Variants in CCDC146 observed in about 807,000 individuals in gnomAD.
CCDC146 encodes coiled-coil domain-containing protein 146.
A neutral mutation model predicts 119.3 loss-of-function variants in CCDC146; 92 were observed. That is an observed-to-expected ratio of 0.77 (90% CI 0.65 to 0.92). CCDC146 has a LOEUF of 0.92. CCDC146 is among the 40% of genes least tolerant of loss of function. The pLI is 0.00. For missense variants in CCDC146, 1,000 were observed against 1,103.0 expected (o/e 0.91, Z 1.32); for synonymous variants, 372 against 371.8 (o/e 1.00, Z -0.01).
At chr7:77,139,484 G>A (rs1195668915) in intron 1 of CCDC146, among the ~76,000 whole-genome samples, 1 of 152,194 alleles carries the variant, frequency 6.6e-6, no homozygotes, top group South Asian at 2.1e-4. Flanking sequence ...AATGTACAAC[G>A]CTAAGAGTGA....
At chr7:77,232,650 G>C (rs1792653107) in intron 2 of CCDC146, among the ~76,000 whole-genome samples, 2 of 152,210 alleles carry the variant, frequency 1.3e-5, no homozygotes, top group Non-Finnish European at 2.9e-5. Flanking sequence ...TACTGAGCAG[G>C]AGCTGGGGAT....
chr7:77,267,558 G>T (rs1037347323), intron 9 of CCDC146, among the ~76,000 whole-genome samples: 1 of 151,226 alleles, frequency 6.6e-6, no homozygotes. Context: ...TAAAAGATGA[G>T]GATTCAGCCC....
At chr7:77,282,499 A>T (rs1467158672) in intron 14 of CCDC146, 58 bp from the exon 15 acceptor site, 3 of 1,140,610 alleles carry the variant, frequency 2.6e-6, no homozygotes, top group Non-Finnish European at 3.8e-6. Context: ...AACCACAATG[A>T]CTAGTAAAAC....
intron 2 of CCDC146, chr7:77,198,544 A>C (rs1791919438): frequency 6.5e-6 from 1 of 152,942 alleles, no homozygotes; most frequent in Non-Finnish European, 1.5e-5. Context: ...CTTGAATTCT[A>C]ACTTCAGGTA....
intron 2 of CCDC146, among the ~76,000 whole-genome samples, chr7:77,190,529 C>G (rs1329677405): frequency 1.3e-5 from 2 of 152,154 alleles, no homozygotes; most frequent in African/African-American, 2.4e-5. Context: ...GAGTGTTCCC[C>G]CAGGAAAGAA....
chr7:77,221,854 G>T (rs1007947327), intron 2 of CCDC146, among the ~76,000 whole-genome samples: 4 of 152,186 alleles, frequency 2.6e-5, no homozygotes, highest in African/African-American at 9.6e-5. Flanking sequence ...AAGAGCCAAA[G>T]ATATTCACCC....
intron 1 of CCDC146, among the ~76,000 whole-genome samples, chr7:77,124,389 G>T (rs1790665653): frequency 6.6e-6 from 1 of 152,176 alleles, no homozygotes; most frequent in Admixed American, 6.5e-5. Context: ...AATAAAAGTT[G>T]TATCTTCCAT....
intron 2 of CCDC146, among the ~76,000 whole-genome samples, chr7:77,168,247 T>C (rs1791367622): frequency 6.6e-6 from 1 of 152,094 alleles, no homozygotes; most frequent in Admixed American, 6.5e-5. Context: ...TCTGCTGTTT[T>C]CTATCAGCAA....
Position 77,241,833 on chromosome 7 carries a change from C to T in CCDC146, c.382C>T (p.Leu128Phe). 6.2e-7 allele frequency: 1 copy of T among 1,614,034 alleles called. No individual in the cohort carries two copies. ...GGTCTCCAAAATGAGAGAACAACTT[C>T]TCAAGTATCAAAATGAATATAATGC... ...TEVSKMREQL[L>F]KYQNEYNAVK... The change falls in exon 4 of 19, where the codon CTC (leucine) becomes TTC (phenylalanine). Residue 128 changes from leucine to phenylalanine, a missense_variant. By Grantham distance (22) the Leu-to-Phe change is conservative. Transcript: ENST00000285871.
At chr7:77,229,232 G>A (rs183570897) in intron 2 of CCDC146, among the ~76,000 whole-genome samples, 10 of 152,174 alleles carry the variant, frequency 6.6e-5, no homozygotes, top group Admixed American at 2.0e-4. Context: ...GACCTTTGTC[G>A]GATGCATAGT....
chr7:77,241,106 G>T (rs991187917), intron 3 of CCDC146, among the ~76,000 whole-genome samples: 1 of 119,586 alleles, frequency 8.4e-6, no homozygotes, highest in Non-Finnish European at 1.8e-5. Context: ...CGCCCAGGCG[G>T]GAGTGCAGTG....
chr7:77,175,415 A>T (rs1309974099), intron 2 of CCDC146, among the ~76,000 whole-genome samples: 1 of 149,696 alleles, frequency 6.7e-6, no homozygotes, highest in East Asian at 2.0e-4. Flanking sequence ...CAAACATTGT[A>T]GGGAAACACC....
intron 1 of CCDC146, among the ~76,000 whole-genome samples, chr7:77,153,420 ACTTTT>A (rs1208605479): frequency 7.7e-6 from 1 of 129,764 alleles, no homozygotes; most frequent in Non-Finnish European, 1.6e-5. Flanking sequence ...GGACAGTGGG[ACTTTT>A]CTTTTTTTTT....
intron 9 of CCDC146, among the ~76,000 whole-genome samples, chr7:77,271,513 GATATATATATATATATATATATAT>G (rs56661430): frequency 0.12 from 8,843 of 71,266 alleles, 624 homozygotes; most frequent in South Asian, 0.17. Flanking sequence ...ACTAATAGGA[GATATATATATATATATATATATAT>G]ATATATATAT....
At chr7:77,141,880 T>A (rs1790938231) in intron 1 of CCDC146, among the ~76,000 whole-genome samples, 1 of 152,214 alleles carries the variant, frequency 6.6e-6, no homozygotes, top group Non-Finnish European at 1.5e-5. Flanking sequence ...TTCACTGTGA[T>A]GATAGTTTCT....
At chr7:77,287,188 G>T (rs1249047973) in intron 16 of CCDC146, 1 of 596,900 alleles carries the variant, frequency 1.7e-6, no homozygotes, top group Non-Finnish European at 2.9e-6. Context: ...ATCTTAAATG[G>T]ATTAATTTGT....
chr7:77,266,038 A>G (rs1481924532), intron 9 of CCDC146, among the ~76,000 whole-genome samples: 1 of 152,226 alleles, frequency 6.6e-6, no homozygotes, highest in African/African-American at 2.4e-5. Flanking sequence ...TCTGCATTTA[A>G]ACATGGCTCT....
intron 9 of CCDC146, among the ~76,000 whole-genome samples, chr7:77,267,920 CAA>C (rs145104240): frequency 0.017 from 2,575 of 152,224 alleles, 61 homozygotes; most frequent in African/African-American, 0.051. Context: ...GACCTCTAGC[CAA>C]AGACTAACAG....
At chr7:77,207,698 C>T (rs907082324) in intron 2 of CCDC146, among the ~76,000 whole-genome samples, 2 of 152,096 alleles carry the variant, frequency 1.3e-5, no homozygotes, top group African/African-American at 4.8e-5. Context: ...AACTTTCTTG[C>T]CACTGAACTA....
Sources: gnomAD v4.1 joint callset for allele counts (sites outside exome capture counted in the v4.1 genomes callset) on GRCh38, gnomAD v4.1.1 for gene constraint, MANE v1.5 for transcripts, NCBI Gene and HGNC (gene_info 2026-07-23, HGNC 2026-07-21) for gene names.